Variants in TEX36 observed in about 807,000 individuals in gnomAD.
TEX36 encodes testis-expressed protein 36.
TEX36 carries 12 observed loss-of-function variants against 13.6 expected under a neutral mutation model. The observed-to-expected ratio is 0.88, with a 90% CI of 0.56 to 1.43. The LOEUF (loss-of-function observed/expected upper bound fraction) is 1.43, where lower values mean the gene tolerates loss of function less well. TEX36 is among the 40% of genes most tolerant of loss of function. The pLI is 0.00. For synonymous variants in TEX36, 93 were observed against 83.0 expected, an observed-to-expected ratio of 1.12 and a Z score of -0.65; for missense variants, 224 against 228.3, an observed-to-expected ratio of 0.98 and a Z score of 0.12.
At chr10:125,585,000 G>A (rs566771526) in intron 3 of TEX36, among the ~76,000 whole-genome samples, 1 of 152,266 alleles carries the variant, frequency 6.6e-6, no homozygotes, top group African/African-American at 2.4e-5. Flanking sequence ...CTCAACATGG[G>A]TCCCTTAGAA....
chr10:125,652,420 A>C (rs186274686), downstream of TEX36, among the ~76,000 whole-genome samples: 252 of 152,366 alleles, frequency 1.7e-3, 2 homozygotes, highest in Admixed American at 0.015. Context: ...GTGATAGGAA[A>C]ACTGGCTAGC....
downstream of TEX36, among the ~76,000 whole-genome samples, chr10:125,655,503 T>C (rs10510147): frequency 0.035 from 5,286 of 152,302 alleles, 167 homozygotes; most frequent in South Asian, 0.14. Context: ...GTTGAAAAGT[T>C]TATGTGTTAT....
At chr10:125,661,788 C>T (rs1188491367) in intron 2 of TEX36, 58 bp downstream of exon 2, 1 of 1,537,966 alleles carries the variant, frequency 6.5e-7, no homozygotes, top group Non-Finnish European at 8.8e-7. Flanking sequence ...GTGCCAGCGG[C>T]GCTGCCCCCT....
intron 1 of TEX36, chr10:125,667,309 G>A: frequency 1.6e-6 from 1 of 636,548 alleles, no homozygotes; most frequent in Non-Finnish European, 3.0e-6. Flanking sequence ...TCAGAGCCTT[G>A]TAGACAGCAG....
rs568447735 is a variant in TEX36 at position 125,657,871 on chromosome 10, A to C, written c.265-1675T>G. On this transcript the variant is annotated intron_variant, in intron 3 of 3. Coordinates refer to ENST00000368821, the MANE Select transcript of TEX36 (RefSeq NM_001128202.3). ...TTCTTGGGGAAAAGCTACAGTTATT[A>C]ATTTTTATACATACAGTAATATAGT... 2.6e-5 allele frequency among the ~76,000 whole-genome samples: 4 copies of C among 152,328 alleles called. No individual in the cohort carries two copies. The South Asian group carries it at 8.3e-4, about 32-fold the overall frequency.
intron 3 of TEX36, among the ~76,000 whole-genome samples, chr10:125,628,711 A>T (rs556448321): frequency 6.6e-6 from 1 of 152,338 alleles, no homozygotes; most frequent in African/African-American, 2.4e-5. Flanking sequence ...TGTTTTCAGA[A>T]TCATTATTCT....
intron 1 of TEX36, chr10:125,667,940 C>A (rs9422923): frequency 9.0e-7 from 1 of 1,112,962 alleles, no homozygotes; most frequent in Non-Finnish European, 1.4e-6. Flanking sequence ...TGCTGGATAT[C>A]GGTAGGGCAT....
At chr10:125,598,945 C>A (rs1846111831) in intron 3 of TEX36, among the ~76,000 whole-genome samples, 1 of 152,098 alleles carries the variant, frequency 6.6e-6, no homozygotes, top group African/African-American at 2.4e-5. Context: ...TGAAGTTGAC[C>A]ATATCAACCC....
intron 3 of TEX36, among the ~76,000 whole-genome samples, chr10:125,627,136 G>C (rs1345222412): frequency 1.3e-5 from 2 of 152,208 alleles, no homozygotes; most frequent in Non-Finnish European, 2.9e-5. Context: ...AGAACCTTGA[G>C]AGAAAAAGAT....
chr10:125,595,806 T>C (rs2133537186), intron 3 of TEX36, among the ~76,000 whole-genome samples: 1 of 152,322 alleles, frequency 6.6e-6, no homozygotes, highest in East Asian at 1.9e-4. Context: ...TTCCCCTGTT[T>C]ACTTCTCTGC....
intron 3 of TEX36, among the ~76,000 whole-genome samples, chr10:125,592,539 G>T (rs1476761716): frequency 6.6e-6 from 1 of 152,082 alleles, no homozygotes; most frequent in African/African-American, 2.4e-5. Context: ...CAGATATGCT[G>T]GGTTTCCTCC....
chr10:125,588,911 C>T (rs7091671), intron 3 of TEX36, among the ~76,000 whole-genome samples: 4,940 of 152,078 alleles, frequency 0.032, 281 homozygotes, highest in African/African-American at 0.11. Context: ...CCACGGCACC[C>T]AACAACCAAA....
At chr10:125,607,273 A>T (rs1478837254) in intron 3 of TEX36, among the ~76,000 whole-genome samples, 1 of 152,230 alleles carries the variant, frequency 6.6e-6, no homozygotes, top group African/African-American at 2.4e-5. Context: ...GGCATTTGTA[A>T]TTTCCAGTGC....
At chr10:125,602,979 G>C (rs1352293131) in intron 3 of TEX36, among the ~76,000 whole-genome samples, 1 of 152,180 alleles carries the variant, frequency 6.6e-6, no homozygotes, top group Non-Finnish European at 1.5e-5. Flanking sequence ...TCCTCTCCGG[G>C]GCTTGGGAAG....
intron 3 of TEX36, among the ~76,000 whole-genome samples, chr10:125,582,362 T>C (rs893616906): frequency 1.3e-5 from 2 of 152,210 alleles, no homozygotes; most frequent in Admixed American, 6.5e-5. Flanking sequence ...GAGGAGGAAG[T>C]TCAGGCTCTG....
chr10:125,595,617 C>A (rs866989806), intron 3 of TEX36, among the ~76,000 whole-genome samples: 1 of 152,140 alleles, frequency 6.6e-6, no homozygotes, highest in Non-Finnish European at 1.5e-5. Context: ...TGACTGTATG[C>A]CCCCCTTCCA....
chr10:125,633,783 G>A (rs1846589693), intron 3 of TEX36, among the ~76,000 whole-genome samples: 2 of 152,144 alleles, frequency 1.3e-5, no homozygotes, highest in Admixed American at 1.3e-4. Flanking sequence ...CAGGGAATCA[G>A]GAAATTAAAC....
chr10:125,640,137 T>A, intron 3 of TEX36: 2 of 985,296 alleles, frequency 2.0e-6, no homozygotes, highest in Non-Finnish European at 2.4e-6. Flanking sequence ...GATTGTCCCC[T>A]GCAGATGTTA....
In TEX36 at chr10:125,679,138, A is replaced by C. The variant is rs1049173714; in HGVS notation, c.51+3801T>G. Among the ~76,000 whole-genome samples, 551 of 110,468 alleles carry C rather than the reference A, an allele frequency of 5.0e-3. 1 individual carries two copies. The highest frequency in any genetic ancestry group is 0.015 in the Admixed American group (135 of 9,236). The allele number at this position is 110,468 out of a possible 152,430, so 72.5% of individuals were successfully genotyped here. A position where few individuals can be genotyped will look rare whatever the true frequency, so the allele number is the denominator to read the frequency against. Reference sequence around the variant, plus strand: ...TCCCCTTGGCTCTGGCTACAGGAGCACCCCCCCCGCCCCCGCCAAGCTGAC... The same window carrying C: ...TCCCCTTGGCTCTGGCTACAGGAGCCCCCCCCCCGCCCCCGCCAAGCTGAC... On this transcript the variant is annotated intron_variant, in intron 1 of 3. Coordinates refer to ENST00000368821, the MANE Select transcript of TEX36 (RefSeq NM_001128202.3).
Sources: allele counts gnomAD v4.1 joint callset (sites outside exome capture counted in the v4.1 genomes callset), GRCh38; gene constraint gnomAD v4.1.1; transcripts MANE v1.5; gene names NCBI Gene and HGNC (gene_info 2026-07-23, HGNC 2026-07-21).